The following EPAS1 variants were observed in gnomAD, a reference collection of about 807,000 sequenced individuals.
EPAS1 encodes the protein endothelial PAS domain protein 1.
Under a neutral mutation model 87.9 loss-of-function variants are expected in EPAS1, and 23 were observed. The ratio of observed to expected loss-of-function variants is 0.26; its 90% confidence interval spans 0.19 to 0.37. The LOEUF (loss-of-function observed/expected upper bound fraction) is 0.37, where lower values mean the gene tolerates loss of function less well. EPAS1 is among the 10% of genes least tolerant of loss of function. EPAS1 has a pLI of 1.00. For missense variants in EPAS1, 1,138 were observed against 1,120.7 expected, an observed-to-expected ratio of 1.02 and a Z score of -0.22; for synonymous variants, 508 against 444.3, an observed-to-expected ratio of 1.14 and a Z score of -1.80.
intron 8 of EPAS1, among the ~76,000 whole-genome samples, 182 bp downstream of exon 8, chr2:46,376,019 G>C (rs1400129308): frequency 6.6e-6 from 1 of 152,244 alleles, no homozygotes; most frequent in Non-Finnish European, 1.5e-5. Context: ...TCTTGGAACA[G>C]TGGGATACTG....
rs1682970346 is a variant in EPAS1, at chr2:46,300,232, T to C, written c.26+2295T>C. Reference sequence around the variant, plus strand: ...GGTGTTGTCATGTAAGTGACTGCTGTAGCTTTTCTGAGTGCCTCACAAGGG... The same window carrying C: ...GGTGTTGTCATGTAAGTGACTGCTGCAGCTTTTCTGAGTGCCTCACAAGGG... On this transcript the variant is annotated intron_variant, in intron 1 of 15. Transcript: ENST00000263734. The surrounding 1 kb of genome is among the most constrained non-coding windows in gnomAD (Gnocchi z 4.1). Among the ~76,000 whole-genome samples, 1 of 152,236 alleles carries C rather than the reference T, an allele frequency of 6.6e-6. No individual in the cohort carries two copies. The highest frequency in any genetic ancestry group is 2.1e-4 in the South Asian group (1 of 4,836).
At chr2:46,324,067 T>TTTTG (rs1683506061) in intron 1 of EPAS1, among the ~76,000 whole-genome samples, 3 of 152,202 alleles carry the variant, frequency 2.0e-5, no homozygotes, top group African/African-American at 7.2e-5. Context: ...ATTATGGTTT[T>TTTTG]TTTGTTTGTT....
At chr2:46,310,593 G>C (rs890552091) in intron 1 of EPAS1, among the ~76,000 whole-genome samples, 2 of 152,230 alleles carry the variant, frequency 1.3e-5, no homozygotes, top group African/African-American at 4.8e-5. Context: ...CCGTCTTCCT[G>C]AAGTCACCTG....
intron 6 of EPAS1, among the ~76,000 whole-genome samples, chr2:46,368,509 G>A (rs1486669784): frequency 6.6e-6 from 1 of 152,192 alleles, no homozygotes; most frequent in Non-Finnish European, 1.5e-5. Flanking sequence ...AGTGAAAGCT[G>A]TAGATACTTA....
intron 1 of EPAS1, among the ~76,000 whole-genome samples, chr2:46,330,025 C>A (rs1683643965): frequency 6.6e-6 from 1 of 152,220 alleles, no homozygotes; most frequent in African/African-American, 2.4e-5. Flanking sequence ...GAATGTGTAA[C>A]TGCTGAACAT....
chr2:46,380,445 G>T lies in EPAS1; in HGVS notation c.1773G>T (p.Gln591His), dbSNP rs781672098. ...TCCTCCTGGACAAGTTTCAGCAGCA[G>T]CTGGAGAGCAAGAAGACAGAGCCCG... ...SPFLLDKFQQ[Q>H]LESKKTEPEH... Residue 591 changes from glutamine to histidine, a missense_variant, in exon 12 of 16, where the codon CAG becomes CAT. Transcript: ENST00000263734. The surrounding 1 kb of genome is among the most constrained non-coding windows in gnomAD (Gnocchi z 4.4). 1.9e-6 allele frequency: 3 copies of T among 1,614,160 alleles called. No individual in the cohort carries two copies. In the Admixed American group the frequency reaches 5.0e-5, roughly 27 times the overall value.
chr2:46,321,736 C>A (rs1213723207), intron 1 of EPAS1, among the ~76,000 whole-genome samples: 1 of 151,572 alleles, frequency 6.6e-6, no homozygotes, highest in Admixed American at 6.6e-5. Context: ...AAATCACTGC[C>A]CCATTGTTTA....
intron 1 of EPAS1, among the ~76,000 whole-genome samples, chr2:46,332,592 C>A (rs528204738): frequency 6.6e-6 from 1 of 152,008 alleles, no homozygotes; most frequent in African/African-American, 2.4e-5. Flanking sequence ...AGTGTTTTTT[C>A]CAAAGTGTGG....
chr2:46,314,470 T>C (rs1683274510), intron 1 of EPAS1, among the ~76,000 whole-genome samples: 1 of 152,256 alleles, frequency 6.6e-6, no homozygotes, highest in Non-Finnish European at 1.5e-5. Context: ...ATCTAGGTCC[T>C]TTCTGTTCAG....
rs187135811 is a variant in EPAS1, at chr2:46,366,297, G to A, written c.780-3530G>A. ...CTGTAGGTGGTGTATTTTGAATAGA[G>A]CTTCTAAACAGTTTTGAGAGTAAAG... On this transcript the variant is annotated intron_variant, in intron 6 of 15. Transcript: ENST00000263734. Among the ~76,000 whole-genome samples, 379 of 152,278 alleles carry A rather than the reference G, an allele frequency of 2.5e-3. 1 individual carries two copies. Among genetic ancestry groups the A allele is most frequent in the Admixed American group, 5.4e-3 (82 of 15,306 alleles).
intron 1 of EPAS1, among the ~76,000 whole-genome samples, chr2:46,333,053 A>G (rs1035636885): frequency 2.0e-5 from 3 of 152,188 alleles, no homozygotes; most frequent in African/African-American, 7.2e-5. Context: ...GTGTGAAAAC[A>G]TCCTTAGTAT....
intron 3 of EPAS1, 99 bp from the exon 4 acceptor site, chr2:46,356,625 T>C (rs1684277154): frequency 1.0e-6 from 1 of 959,572 alleles, no homozygotes; most frequent in Admixed American, 1.7e-5. Context: ...CAATTCAGTC[T>C]CCTCCCTGCC....
At chr2:46,350,973 C>T (rs931133642) in intron 2 of EPAS1, among the ~76,000 whole-genome samples, 1 of 152,202 alleles carries the variant, frequency 6.6e-6, no homozygotes, top group Non-Finnish European at 1.5e-5. Flanking sequence ...CTTGATATGA[C>T]CTTTCCATGC....
At chr2:46,323,536 C>G (rs1222324759) in intron 1 of EPAS1, among the ~76,000 whole-genome samples, 2 of 152,148 alleles carry the variant, frequency 1.3e-5, no homozygotes, top group African/African-American at 2.4e-5. Context: ...TGTGAAAGTA[C>G]AAAGCATAGG....
intron 1 of EPAS1, among the ~76,000 whole-genome samples, chr2:46,303,256 G>T (rs1683047008): frequency 6.6e-6 from 1 of 152,164 alleles, no homozygotes; most frequent in Non-Finnish European, 1.5e-5. Context: ...TAGAGGTGGA[G>T]AAATTTGTTC....
chr2:46,297,931 AG>A lies in EPAS1; in HGVS notation c.21del (p.Arg9GlyfsTer39). MTADKEKKRSSSERRKE... is the reference protein window; with the variant it reads MTADKEXKRSSSERRKE... ...GCGACAATGACAGCTGACAAGGAGA[AG>A]AAAAGGTAAGCGGGCGTCCGGGCCG... On this transcript the variant is annotated frameshift_variant, in exon 1 of 16. Transcript: ENST00000263734. LOFTEE classifies it high-confidence loss of function. The A allele has an allele frequency of 6.2e-7, 1 of 1,612,560 alleles. No homozygotes were observed. The highest frequency in any genetic ancestry group is 8.5e-7 in the Non-Finnish European group (1 of 1,179,332).
chr2:46,356,594 G>C (rs1684276543), intron 3 of EPAS1, 130 bp from the exon 4 acceptor site: 3 of 791,818 alleles, frequency 3.8e-6, no homozygotes, highest in Admixed American at 3.8e-5. Context: ...CCTGACACTG[G>C]ACTGGGATTA....
Position 46,344,183 on chromosome 2 carries a change from C to A in EPAS1, c.27-2690C>A, listed in dbSNP as rs137967458. On this transcript the variant is annotated intron_variant, in intron 1 of 15. Transcript: ENST00000263734. Reference sequence around the variant, plus strand: ...TATATGAAAGGTTTTTGATAGAGCACCAGGCACAAAAAGCACAGCAAGACT... The same window carrying A: ...TATATGAAAGGTTTTTGATAGAGCAACAGGCACAAAAAGCACAGCAAGACT... Among the ~76,000 whole-genome samples, 403 of 152,306 alleles carry A rather than the reference C, an allele frequency of 2.6e-3. 2 individuals are homozygous for A. Among genetic ancestry groups the A allele is most frequent in the African/African-American group, 9.3e-3 (385 of 41,568 alleles).
At chr2:46,356,878 G>C in intron 4 of EPAS1, 70 bp downstream of exon 4, 1 of 1,122,170 alleles carries the variant, frequency 8.9e-7, no homozygotes, top group Non-Finnish European at 1.4e-6. Flanking sequence ...TTGTCTACGG[G>C]TATAAGGGAG....
Sources: gnomAD v4.1 joint callset for allele counts (sites outside exome capture counted in the v4.1 genomes callset) on GRCh38, gnomAD v4.1.1 for gene constraint, Gnocchi (gnomAD v3.1) non-coding constraint, MANE v1.5 for transcripts, NCBI Gene and HGNC (gene_info 2026-07-23, HGNC 2026-07-21) for gene names.